The following CPEB3 variants were observed in gnomAD, a reference collection of about 807,000 sequenced individuals.
The protein encoded by CPEB3 is cytoplasmic polyadenylation element binding protein 3, also known as cytoplasmic polyadenylation element-binding protein 3.
In CPEB3, 20 loss-of-function variants were observed where a neutral mutation model predicts 67.2. The observed-to-expected ratio is 0.30, with a 90% confidence interval of 0.21 to 0.43. CPEB3 has a LOEUF of 0.43. Among genes scored for constraint, CPEB3 ranks in the 20% least tolerant of loss-of-function variants. CPEB3 has a pLI of 1.00. For missense variants in CPEB3, 746 were observed against 968.6 expected (o/e 0.77, Z 3.05); for synonymous variants, 376 against 393.1 (o/e 0.96, Z 0.51).
chr10:92,240,872 C>CA (rs142128965), intron 1 of CPEB3, among the ~76,000 whole-genome samples: 1 of 151,802 alleles, frequency 6.6e-6, no homozygotes, highest in Admixed American at 6.6e-5. Flanking sequence ...AAAAACAAAA[C>CA]AAAAAAACCA....
chr10:92,224,809 G>A (rs1000492935), intron 2 of CPEB3, among the ~76,000 whole-genome samples: 2 of 150,872 alleles, frequency 1.3e-5, no homozygotes, highest in African/African-American at 4.9e-5. Flanking sequence ...TCATGCCACT[G>A]TGCTCTGGCC....
intron 1 of CPEB3, among the ~76,000 whole-genome samples, chr10:92,255,103 T>TA (rs1207130182): frequency 3.3e-5 from 5 of 152,110 alleles, no homozygotes; most frequent in African/African-American, 7.2e-5. Context: ...CTTACAAACT[T>TA]ACCTGTATTC....
At chr10:92,174,503 C>T (rs1003684982) in intron 4 of CPEB3, among the ~76,000 whole-genome samples, 1 of 152,126 alleles carries the variant, frequency 6.6e-6, no homozygotes, top group Non-Finnish European at 1.5e-5. Context: ...AATCAATGAC[C>T]TCAGAGCTTC....
intron 6 of CPEB3, among the ~76,000 whole-genome samples, chr10:92,133,242 A>T (rs893241154): frequency 9.2e-5 from 14 of 152,204 alleles, no homozygotes; most frequent in African/African-American, 2.7e-4. Flanking sequence ...TGGTTTTCTG[A>T]AAAGATCAAC....
intron 9 of CPEB3, among the ~76,000 whole-genome samples, chr10:92,054,373 TA>T (rs1227272712): frequency 6.6e-6 from 1 of 152,098 alleles, no homozygotes; most frequent in Non-Finnish European, 1.5e-5. Flanking sequence ...GGCAAACATT[TA>T]AAAGACTGAT....
chr10:92,228,980 G>A (rs1159941764), intron 2 of CPEB3, among the ~76,000 whole-genome samples: 1 of 151,808 alleles, frequency 6.6e-6, no homozygotes, highest in Non-Finnish European at 1.5e-5. Flanking sequence ...CCAAAGTGCT[G>A]GGATTACAGA....
chr10:92,286,583 TAAAA>T (rs757526293), intron 1 of CPEB3, among the ~76,000 whole-genome samples: 1 of 102,486 alleles, frequency 9.8e-6, no homozygotes. Context: ...AGACTCTATC[TAAAA>T]AAAAAAAAAA....
intron 2 of CPEB3, among the ~76,000 whole-genome samples, chr10:92,206,434 C>T (rs946018197): frequency 1.3e-5 from 2 of 152,084 alleles, no homozygotes; most frequent in Admixed American, 1.3e-4. Context: ...TCTATGTACT[C>T]TTTTTCCCTT....
At chr10:92,254,646 T>C (rs11186876) in intron 1 of CPEB3, among the ~76,000 whole-genome samples, 33,778 of 152,024 alleles carry the variant, frequency 0.22, 4,712 homozygotes, top group Middle Eastern at 0.34. Context: ...TTATAGACCT[T>C]GTCTCTAACA....
chr10:92,209,855 T>G (rs1849987100), intron 2 of CPEB3, among the ~76,000 whole-genome samples: 1 of 150,114 alleles, frequency 6.7e-6, no homozygotes, highest in Admixed American at 6.7e-5. Flanking sequence ...GAGAATCACT[T>G]GTACCCGAGA....
intron 6 of CPEB3, 125 bp from the exon 7 acceptor site, chr10:92,111,319 G>T (rs1032795769): frequency 2.8e-6 from 2 of 706,778 alleles, no homozygotes; most frequent in African/African-American, 3.5e-5. Context: ...GTTCAAGTGG[G>T]ACAAAGGGAC....
At chr10:92,199,618 C>T (rs11186850) in intron 2 of CPEB3, among the ~76,000 whole-genome samples, 6 of 124,482 alleles carry the variant, frequency 4.8e-5, no homozygotes, top group Admixed American at 2.0e-4. Context: ...TGGGAGGCGG[C>T]GGTTGCAGTG....
In CPEB3 at chr10:92,192,630, T is replaced by C. The variant is rs1344586237; in HGVS notation, c.1012A>G (p.Ser338Gly). Residue 338 changes from serine (S) to glycine (G), a missense_variant, in exon 3 of 10, where the codon AGT becomes GGT. Ser to Gly is a moderately conservative substitution (Grantham distance 56, BLOSUM62 0). Around this residue, in one of 2 missense-constraint regions of CPEB3, gnomAD observed 643 missense variants for 717.5 expected, o/e 0.90. Transcript: ENST00000265997. The stretch of plus-strand genomic sequence containing the variant: ...AAGTTAAAAGTATCATAGGGCCTAC[T>C]CCGGTCCTAAGAATAAAAACAAAAA... Reference protein sequence around the residue: ...GNNLLPFQDRSRPYDTFNLHS... With the variant: ...GNNLLPFQDRGRPYDTFNLHS... The C allele has an allele frequency of 6.3e-7, 1 of 1,587,682 alleles. No homozygotes were observed. Among genetic ancestry groups the C allele is most frequent in the Admixed American group, 1.8e-5 (1 of 54,636 alleles).
At chr10:92,108,432 T>TAA (rs1844573938) in intron 7 of CPEB3, among the ~76,000 whole-genome samples, 1 of 151,068 alleles carries the variant, frequency 6.6e-6, no homozygotes, top group Non-Finnish European at 1.5e-5. Context: ...GACATATGCA[T>TAA]AAATGAGGCA....
intron 1 of CPEB3, among the ~76,000 whole-genome samples, chr10:92,284,679 T>A (rs1039570540): frequency 6.6e-6 from 1 of 152,106 alleles, no homozygotes; most frequent in African/African-American, 2.4e-5. Context: ...AAATCCTAGT[T>A]ATAATCTCTC....
At position 92,182,551 on chromosome 10, in the gene CPEB3, C is replaced by A. The variant is rs772701910; in HGVS notation, c.1166-1532G>T. The stretch of plus-strand genomic sequence containing the variant: ...ATATTAAGAGGTAGGGAAGGCCGGG[C>A]GCAGTGGTTCATGCCTATAATCCCA... On this transcript the variant is annotated intron_variant, in intron 3 of 9. Coordinates refer to ENST00000265997, the MANE Select transcript of CPEB3 (RefSeq NM_014912.5). Among the ~76,000 whole-genome samples the A allele has an allele frequency of 2.6e-5, 4 of 152,104 alleles. No homozygotes were observed. The East Asian group carries it at 7.7e-4, about 29-fold the overall frequency.
In CPEB3 at chr10:92,175,549, T is replaced by C. The variant is rs530785803; in HGVS notation, c.1222+5414A>G. 5.3e-5 allele frequency among the ~76,000 whole-genome samples: 8 copies of C among 152,280 alleles called. No individual in the cohort carries two copies. The East Asian group carries it at 1.5e-3, about 29-fold the overall frequency. ...CAAAGTGGCCGTATCATTTTATTAA[T>C]ACATTCCAAACAGCAGCGTGTGACA... On this transcript the variant is annotated intron_variant, in intron 4 of 9. Coordinates refer to ENST00000265997, the MANE Select transcript of CPEB3 (RefSeq NM_014912.5).
At chr10:92,089,103 T>C (rs1247810698) in intron 8 of CPEB3, among the ~76,000 whole-genome samples, 2 of 152,230 alleles carry the variant, frequency 1.3e-5, no homozygotes, top group African/African-American at 4.8e-5. Context: ...ATGTTTATCA[T>C]TCAAGTGAAC....
chr10:92,275,224 A>G (rs1486468220), intron 1 of CPEB3, among the ~76,000 whole-genome samples: 1 of 152,220 alleles, frequency 6.6e-6, no homozygotes, highest in East Asian at 1.9e-4. Flanking sequence ...TGTGCACTAT[A>G]GCATGTTTAG....
Sources: allele counts gnomAD v4.1 joint callset (sites outside exome capture counted in the v4.1 genomes callset), GRCh38; gene constraint gnomAD v4.1.1; regional missense constraint gnomAD v4.1.1; transcripts MANE v1.5; gene names NCBI Gene and HGNC (gene_info 2026-07-23, HGNC 2026-07-21).